The following PARD3B variants were observed in gnomAD, a reference collection of about 807,000 sequenced individuals.
PARD3B encodes the protein par-3 family cell polarity regulator beta.
Under a neutral mutation model 130.2 loss-of-function variants are expected in PARD3B, and 103 were observed. That is an observed-to-expected ratio of 0.79 (90% CI 0.67 to 0.93). The LOEUF is 0.93. Among genes scored for constraint, PARD3B ranks in the 40% least tolerant of loss-of-function variants. PARD3B has a pLI of 0.00. For missense variants in PARD3B, 1,609 were observed against 1,499.2 expected, an observed-to-expected ratio of 1.07 and a Z score of -1.21; for synonymous variants, 583 against 553.2, an observed-to-expected ratio of 1.05 and a Z score of -0.76.
At chr2:205,114,416 T>C (rs566314738) in intron 6 of PARD3B, among the ~76,000 whole-genome samples, 1 of 152,254 alleles carries the variant, frequency 6.6e-6, no homozygotes, top group African/African-American at 2.4e-5. Context: ...AGTTTTTCAC[T>C]AACATGACAT....
At chr2:205,477,448 T>G (rs2049063796) in intron 20 of PARD3B, among the ~76,000 whole-genome samples, 1 of 152,182 alleles carries the variant, frequency 6.6e-6, no homozygotes, top group African/African-American at 2.4e-5. Flanking sequence ...TCAGTTGCCC[T>G]GAAGTGTGCA....
chr2:205,456,257 C>A (rs1270047450), intron 20 of PARD3B, among the ~76,000 whole-genome samples: 2 of 152,106 alleles, frequency 1.3e-5, no homozygotes, highest in Non-Finnish European at 2.9e-5. Context: ...CTTAATCATT[C>A]ATCTGTTCCT....
At chr2:204,883,827 C>A (rs2046170978) in intron 2 of PARD3B, among the ~76,000 whole-genome samples, 1 of 151,434 alleles carries the variant, frequency 6.6e-6, no homozygotes, top group African/African-American at 2.4e-5. Flanking sequence ...GCAACCTCCA[C>A]CTCTCGGTTC....
intron 4 of PARD3B, among the ~76,000 whole-genome samples, chr2:205,055,010 A>G (rs1699545730): frequency 6.6e-6 from 1 of 152,276 alleles, no homozygotes; most frequent in South Asian, 2.1e-4. Context: ...TAATGTTTAC[A>G]TGACTGCATT....
chr2:204,895,767 A>G (rs574532666), intron 2 of PARD3B, among the ~76,000 whole-genome samples: 1 of 152,260 alleles, frequency 6.6e-6, no homozygotes, highest in East Asian at 1.9e-4. Context: ...ACTTTTCCTG[A>G]GAACTTTTTG....
At chr2:204,982,792 G>A (rs1692786996) in intron 3 of PARD3B, among the ~76,000 whole-genome samples, 1 of 152,140 alleles carries the variant, frequency 6.6e-6, no homozygotes, top group Non-Finnish European at 1.5e-5. Context: ...GCTTAAATTG[G>A]TATAGATGTA....
chr2:204,804,146 TGAA>T (rs1461925173), intron 2 of PARD3B, among the ~76,000 whole-genome samples: 1 of 152,146 alleles, frequency 6.6e-6, no homozygotes, highest in Non-Finnish European at 1.5e-5. Context: ...GGAGGATGGC[TGAA>T]GCCCATGAGG....
chr2:204,729,314 C>T (rs6715508), intron 2 of PARD3B, among the ~76,000 whole-genome samples: 30,944 of 152,000 alleles, frequency 0.2, 3,216 homozygotes, highest in African/African-American at 0.24. Flanking sequence ...CTGGCTCTTG[C>T]AGAATAAAGA....
intron 20 of PARD3B, among the ~76,000 whole-genome samples, chr2:205,477,454 G>A (rs1253185780): frequency 1.3e-5 from 2 of 152,136 alleles, no homozygotes; most frequent in Admixed American, 6.6e-5. Flanking sequence ...GCCCTGAAGT[G>A]TGCAGTTGTG....
intron 19 of PARD3B, among the ~76,000 whole-genome samples, chr2:205,427,276 C>G (rs1424234282): frequency 2.0e-5 from 3 of 152,186 alleles, no homozygotes; most frequent in East Asian, 3.8e-4. Context: ...CCTCCCAAAG[C>G]CACAGTGGTA....
At chr2:205,555,407 T>A (rs2052837033) in intron 22 of PARD3B, among the ~76,000 whole-genome samples, 1 of 152,228 alleles carries the variant, frequency 6.6e-6, no homozygotes, top group Non-Finnish European at 1.5e-5. Context: ...TTTACAGTAG[T>A]ACAACCAATG....
rs369785554 is a variant in PARD3B at position 205,351,171 on chromosome 2, T to C, written c.2630+49470T>C. ...TGAAGTGAAATCATGGAAACTGCTGTTTGAACAATGGTCATTAAATGTTAT... is the reference window on the plus strand; with the variant it reads ...TGAAGTGAAATCATGGAAACTGCTGCTTGAACAATGGTCATTAAATGTTAT... On this transcript the variant is annotated intron_variant, in intron 18 of 22. Transcript: ENST00000406610. The surrounding 1 kb of genome is among the most constrained non-coding windows in gnomAD (Gnocchi z 4.2). 7.7e-4 allele frequency among the ~76,000 whole-genome samples: 118 copies of C among 152,316 alleles called. 1 individual carries two copies. Among genetic ancestry groups the C allele is most frequent in the East Asian group, 7.7e-3 (40 of 5,194 alleles).
chr2:205,464,434 A>G lies in PARD3B; in HGVS notation c.3044+23762A>G, dbSNP rs916245779. Among the ~76,000 whole-genome samples the G allele has an allele frequency of 3.9e-5, 6 of 152,136 alleles. 1 individual carries two copies. Among genetic ancestry groups the G allele is most frequent in the Admixed American group, 3.9e-4 (6 of 15,272 alleles). On this transcript the variant is annotated intron_variant, in intron 20 of 22. Transcript: ENST00000406610. ...ATGTGTGGTCTCAGCCTCTGGGACCACACAATCTAGTGGGGGAGTCACAGG... is the reference window on the plus strand; with the variant it reads ...ATGTGTGGTCTCAGCCTCTGGGACCGCACAATCTAGTGGGGGAGTCACAGG...
intron 2 of PARD3B, among the ~76,000 whole-genome samples, chr2:204,958,816 C>T (rs1027841922): frequency 2.0e-5 from 3 of 152,112 alleles, no homozygotes; most frequent in African/African-American, 7.2e-5. Context: ...TGATATTGAT[C>T]ATAATAACCT....
chr2:205,354,257 G>A (rs563993663), intron 18 of PARD3B, among the ~76,000 whole-genome samples: 5 of 151,238 alleles, frequency 3.3e-5, no homozygotes, highest in East Asian at 2.0e-4. Context: ...GTTAGGATTC[G>A]GCACTCTCAC....
chr2:205,109,402 C>T (rs1004569150), intron 5 of PARD3B, among the ~76,000 whole-genome samples: 65 of 152,128 alleles, frequency 4.3e-4, no homozygotes, highest in African/African-American at 1.5e-3. Context: ...GCAAATAAAA[C>T]GTGTTCCTCA....
intron 3 of PARD3B, among the ~76,000 whole-genome samples, chr2:204,971,107 C>A (rs1355025397): frequency 6.6e-6 from 1 of 152,110 alleles, no homozygotes; most frequent in Non-Finnish European, 1.5e-5. Flanking sequence ...CATTTTCTAT[C>A]TGATTTTGAC....
chr2:204,733,196 T>C (rs892056926), intron 2 of PARD3B, among the ~76,000 whole-genome samples: 4 of 152,166 alleles, frequency 2.6e-5, no homozygotes, highest in Non-Finnish European at 5.9e-5. Flanking sequence ...TTGCAATATA[T>C]TGAATAAATA....
intron 1 of PARD3B, among the ~76,000 whole-genome samples, chr2:204,653,719 A>C (rs944459046): frequency 7.0e-6 from 1 of 142,636 alleles, no homozygotes; most frequent in African/African-American, 2.7e-5. Context: ...TGAACCCAGG[A>C]GGCGGAGGTT....
Sources: gnomAD v4.1 joint callset for allele counts (sites outside exome capture counted in the v4.1 genomes callset) on GRCh38, gnomAD v4.1.1 for gene constraint, Gnocchi (gnomAD v3.1) non-coding constraint, MANE v1.5 for transcripts, NCBI Gene and HGNC (gene_info 2026-07-23, HGNC 2026-07-21) for gene names.